Variants in MGMT observed in about 807,000 individuals in gnomAD.
MGMT encodes methylated-DNA--protein-cysteine methyltransferase.
A neutral mutation model predicts 15.9 loss-of-function variants in MGMT; 14 were observed. The ratio of observed to expected loss-of-function variants is 0.88; its 90% CI spans 0.58 to 1.37. MGMT has a LOEUF of 1.37. Ranked by LOEUF, MGMT falls within the 40% of genes most tolerant of loss-of-function variation. The pLI, the probability that MGMT is intolerant of heterozygous loss-of-function variation, is 0.00. For synonymous variants in MGMT, 130 were observed against 118.2 expected (o/e 1.10, Z -0.65); for missense variants, 282 against 268.1 (o/e 1.05, Z -0.36).
intron 2 of MGMT, among the ~76,000 whole-genome samples, chr10:129,635,951 T>TCC (rs1256294354): frequency 6.6e-6 from 1 of 152,230 alleles, no homozygotes; most frequent in Admixed American, 6.5e-5. Flanking sequence ...GTGTGTTCTC[T>TCC]ATGGCAAAAA....
chr10:129,745,518 C>G (rs1280739234), intron 3 of MGMT, among the ~76,000 whole-genome samples: 2 of 152,176 alleles, frequency 1.3e-5, no homozygotes, highest in African/African-American at 4.8e-5. Context: ...TGGAGCCTGG[C>G]TTTTTTCACT....
In MGMT at chr10:129,540,644, T is replaced by C. The variant is rs540480060; in HGVS notation, c.125+4267T>C. Among the ~76,000 whole-genome samples, 10 of 152,388 alleles carry C rather than the reference T, an allele frequency of 6.6e-5. No homozygotes were observed. In the South Asian group the frequency reaches 1.9e-3, roughly 28 times the overall value. On this transcript the variant is annotated intron_variant, in intron 2 of 4. Transcript: ENST00000651593. ...AGAATTTTAAACCAGGTGTATACTT[T>C]TCTTTTTTTGGTACTGTCTTTGTCT...
chr10:129,502,632 A>C (rs968574646), intron 1 of MGMT, among the ~76,000 whole-genome samples: 1 of 151,708 alleles, frequency 6.6e-6, no homozygotes, highest in Admixed American at 6.6e-5. Flanking sequence ...TTGGGGGTGA[A>C]TTTTTTCCCC....
At chr10:129,688,897 T>C (rs1419705037) in intron 2 of MGMT, among the ~76,000 whole-genome samples, 2 of 152,044 alleles carry the variant, frequency 1.3e-5, no homozygotes, top group African/African-American at 4.8e-5. Context: ...TGCACTTAAG[T>C]GTCATGTAGT....
intron 1 of MGMT, among the ~76,000 whole-genome samples, chr10:129,513,822 C>T (rs1293685558): frequency 6.6e-6 from 1 of 152,190 alleles, no homozygotes; most frequent in African/African-American, 2.4e-5. Context: ...TTCCAAACTC[C>T]ACGGCTGAGC....
At chr10:129,609,981 TGAAAA>T (rs765754826) in intron 2 of MGMT, among the ~76,000 whole-genome samples, 4 of 152,282 alleles carry the variant, frequency 2.6e-5, no homozygotes, top group South Asian at 4.2e-4. Flanking sequence ...ATTTTGCTGT[TGAAAA>T]GCAAAGGAGA....
rs1848991727 is a variant in MGMT at position 129,770,815 on chromosome 10, G to A, written c.*3818G>A. ...GTCCTCGGGCCTCCCCTGTTTGTCT[G>A]CATGTCTTCTTGTTGCCATCGGGGC... On this transcript the variant is annotated 3_prime_UTR_variant, in exon 5 of 5. Coordinates refer to ENST00000651593, the MANE Select transcript of MGMT (RefSeq NM_002412.5). Among the ~76,000 whole-genome samples the A allele has an allele frequency of 6.6e-6, 1 of 152,150 alleles. No homozygotes were observed. The highest frequency in any genetic ancestry group is 2.1e-4 in the South Asian group (1 of 4,830).
intron 2 of MGMT, among the ~76,000 whole-genome samples, chr10:129,607,799 G>T (rs567055075): frequency 6.6e-6 from 1 of 152,294 alleles, no homozygotes; most frequent in East Asian, 1.9e-4. Flanking sequence ...ATCTGATGTT[G>T]CAATACTTGT....
chr10:129,609,621 C>G (rs560292345), intron 2 of MGMT, among the ~76,000 whole-genome samples: 1 of 152,318 alleles, frequency 6.6e-6, no homozygotes, highest in African/African-American at 2.4e-5. Context: ...GAAATGAGCA[C>G]CTGGTACATT....
intron 2 of MGMT, among the ~76,000 whole-genome samples, chr10:129,623,305 A>G (rs548907652): frequency 3.9e-4 from 59 of 152,266 alleles, no homozygotes; most frequent in Non-Finnish European, 7.8e-4. Flanking sequence ...CGCGCTGAGC[A>G]GCAGTTCAGC....
chr10:129,565,660 TG>T (rs1184229774), intron 2 of MGMT, among the ~76,000 whole-genome samples: 1 of 152,152 alleles, frequency 6.6e-6, no homozygotes. Flanking sequence ...AAAGTCTGAT[TG>T]GAACTCTGAC....
chr10:129,552,969 A>T (rs955201927), intron 2 of MGMT, among the ~76,000 whole-genome samples: 53 of 152,326 alleles, frequency 3.5e-4, no homozygotes, highest in African/African-American at 1.2e-3. Flanking sequence ...CTATTTATTA[A>T]AACTTTTCAA....
Position 129,532,857 on chromosome 10 carries a change from A to G in MGMT, c.-12-3384A>G, listed in dbSNP as rs1564844498. Among the ~76,000 whole-genome samples the G allele has an allele frequency of 6.6e-6, 1 of 152,138 alleles. No homozygotes were observed. The highest frequency in any genetic ancestry group is 1.5e-5 in the Non-Finnish European group (1 of 68,026). Reference sequence around the variant, plus strand: ...GAGAGGAGTGCGCAGCTAGTGTCTGACCAGCCCCCACATGGGGCACTCCCC... The same window carrying G: ...GAGAGGAGTGCGCAGCTAGTGTCTGGCCAGCCCCCACATGGGGCACTCCCC... On this transcript the variant is annotated intron_variant, in intron 1 of 4. Transcript: ENST00000651593. This position sits in a 1 kb window ranked among gnomAD's most constrained non-coding sequence, Gnocchi z 5.3.
At chr10:129,687,845 C>T (rs1564761596) in intron 2 of MGMT, among the ~76,000 whole-genome samples, 2 of 152,006 alleles carry the variant, frequency 1.3e-5, no homozygotes, top group Non-Finnish European at 2.9e-5. Flanking sequence ...TATCCCTCCC[C>T]CAGCCCCCCA....
At chr10:129,540,009 A>G (rs1846027102) in intron 2 of MGMT, among the ~76,000 whole-genome samples, 1 of 152,098 alleles carries the variant, frequency 6.6e-6, no homozygotes, top group Non-Finnish European at 1.5e-5. Flanking sequence ...ACATCTTGAT[A>G]CTGAAGTGTT....
chr10:129,624,121 T>C (rs1847119998), intron 2 of MGMT, among the ~76,000 whole-genome samples: 1 of 152,250 alleles, frequency 6.6e-6, no homozygotes, highest in African/African-American at 2.4e-5. Context: ...TGCCCATCAG[T>C]TCCTTTTCCT....
intron 3 of MGMT, among the ~76,000 whole-genome samples, chr10:129,737,725 G>A (rs1848580615): frequency 6.6e-6 from 1 of 152,152 alleles, no homozygotes. Flanking sequence ...TGTACAGATG[G>A]GTTTTTGGTG....
At position 129,721,258 on chromosome 10, in the gene MGMT, A is replaced by G. The variant is rs142979296; in HGVS notation, c.274+13215A>G. The stretch of plus-strand genomic sequence containing the variant: ...CTTTAAAACTAATGATGTTACAGAT[A>G]TTCTAGGTTGTGTGCCCTAGTGCTC... On this transcript the variant is annotated intron_variant, in intron 3 of 4. Transcript: ENST00000651593. Among the ~76,000 whole-genome samples the G allele has an allele frequency of 4.0e-3, 608 of 152,408 alleles. 7 individuals carry two copies. The highest frequency in any genetic ancestry group is 0.013 in the African/African-American group (542 of 41,602).
chr10:129,529,057 G>A lies in MGMT; in HGVS notation c.-12-7184G>A, dbSNP rs544625690. Among the ~76,000 whole-genome samples the A allele has an allele frequency of 7.2e-5, 11 of 152,160 alleles. No homozygotes were observed. In the South Asian group the frequency reaches 1.7e-3, roughly 23 times the overall value. ...TCGGCGGCTTCTCTGAGAAAGTGACGTCTGAGCATGGTTGTGAGTGAGATG... is the reference window on the plus strand; with the variant it reads ...TCGGCGGCTTCTCTGAGAAAGTGACATCTGAGCATGGTTGTGAGTGAGATG... On this transcript the variant is annotated intron_variant, in intron 1 of 4. Transcript: ENST00000651593.
Sources: gnomAD v4.1 joint callset for allele counts (sites outside exome capture counted in the v4.1 genomes callset) on GRCh38, gnomAD v4.1.1 for gene constraint, Gnocchi (gnomAD v3.1) non-coding constraint, MANE v1.5 for transcripts, NCBI Gene and HGNC (gene_info 2026-07-23, HGNC 2026-07-21) for gene names.